Variants in PTPN12 observed in about 807,000 individuals in gnomAD.
PTPN12 encodes tyrosine-protein phosphatase non-receptor type 12.
Under a neutral mutation model 97.6 loss-of-function variants are expected in PTPN12, and 29 were observed. That is an observed-to-expected ratio of 0.30 (90% CI 0.22 to 0.41). The LOEUF is 0.41. Among genes scored for constraint, PTPN12 ranks in the 10% least tolerant of loss-of-function variants. The probability of loss-of-function intolerance (pLI) is 1.00; values close to 1 mark genes in which losing one functional copy is unlikely to be tolerated. For missense variants in PTPN12, 819 were observed against 926.0 expected (o/e 0.88, Z 1.50); for synonymous variants, 327 against 300.4 (o/e 1.09, Z -0.91).
At chr7:77,592,291 A>C (rs1787893464) in intron 6 of PTPN12, 35 bp downstream of exon 6, 1 of 1,517,380 alleles carries the variant, frequency 6.6e-7, no homozygotes, top group Non-Finnish European at 9.1e-7. Context: ...TTTTTTCAGA[A>C]AATTGGCATG....
At chr7:77,561,781 TAA>T (rs1276382686) in intron 1 of PTPN12, among the ~76,000 whole-genome samples, 205 of 151,414 alleles carry the variant, frequency 1.4e-3, no homozygotes, top group African/African-American at 4.2e-3. Flanking sequence ...ATTAATTAAT[TAA>T]TTTTATTTAT....
chr7:77,590,443 G>A (rs944511479), intron 5 of PTPN12, among the ~76,000 whole-genome samples: 5 of 152,148 alleles, frequency 3.3e-5, no homozygotes, highest in African/African-American at 1.2e-4. Context: ...AAGTATAGTG[G>A]CTCACACCTG....
In PTPN12 at chr7:77,600,812, A is replaced by G; in HGVS notation, c.695+6A>G. 1 of 1,580,124 alleles carries G rather than the reference A, an allele frequency of 6.3e-7. No individual in the cohort carries two copies. The highest frequency in any genetic ancestry group is 8.6e-7 in the Non-Finnish European group (1 of 1,166,604). The stretch of plus-strand genomic sequence containing the variant: ...CCTATTTGTATTCATTGCAGGTACA[A>G]AAGAATTTCCCAAGTTTATAAATAC... On this transcript the variant is annotated splice_donor_region_variant and intron_variant, in intron 8 of 17. Coordinates refer to ENST00000248594, the MANE Select transcript of PTPN12 (RefSeq NM_002835.4).
intron 1 of PTPN12, chr7:77,538,806 T>G (rs1423569187): frequency 1.3e-5 from 2 of 151,630 alleles, no homozygotes; most frequent in East Asian, 3.9e-4. Context: ...CGGCTGCTGC[T>G]CCTACGGATA....
Position 77,587,961 on chromosome 7 carries a change from G to T in PTPN12, c.420+2380G>T, listed in dbSNP as rs530533193. ...TCCTCACACTTTATAGAAATGAAGG[G>T]AGTTAGTGCCTTGCTCTGGATTAGG... On this transcript the variant is annotated intron_variant, in intron 5 of 17. Transcript: ENST00000248594. 2.6e-5 allele frequency among the ~76,000 whole-genome samples: 4 copies of T among 152,294 alleles called. No homozygotes were observed. The East Asian group carries it at 7.7e-4, about 29-fold the overall frequency.
chr7:77,561,161 G>A (rs1351305099), intron 1 of PTPN12, among the ~76,000 whole-genome samples: 2 of 152,112 alleles, frequency 1.3e-5, no homozygotes, highest in African/African-American at 4.8e-5. Context: ...AGTGGCACAA[G>A]CGATCCTCCT....
intron 1 of PTPN12, among the ~76,000 whole-genome samples, chr7:77,564,814 G>C (rs1391046576): frequency 7.8e-6 from 1 of 128,736 alleles, no homozygotes; most frequent in Non-Finnish European, 1.6e-5. Flanking sequence ...CTGGAGTGCA[G>C]TGGCACGATC....
rs775712037 is a variant in PTPN12, at chr7:77,625,472, GCTCTCTCTCTCTCTCTCTCTCT to G, written c.1026-1203_1026-1182del. Among the ~76,000 whole-genome samples the G allele has an allele frequency of 6.6e-4, 22 of 33,528 alleles. 2 individuals are homozygous for G. The highest frequency in any genetic ancestry group is 1.4e-3 in the South Asian group (1 of 716). The allele number at this position is 33,528 out of a possible 152,430, so 22.0% of individuals were successfully genotyped here. A position where few individuals can be genotyped will look rare whatever the true frequency, so the allele number is the denominator to read the frequency against. ...TTTTGCCATATTGCCCAGGCTGCTC[GCTCTCTCTCTCTCTCTCTCTCT>G]CTCTCTCTCTCTCTCTCTCTCTCTC... On this transcript the variant is annotated intron_variant, in intron 12 of 17. Coordinates refer to ENST00000248594, the MANE Select transcript of PTPN12 (RefSeq NM_002835.4).
rs1787897685 is a variant in PTPN12 at position 77,592,391 on chromosome 7, A to C, written c.492+135A>C. On this transcript the variant is annotated intron_variant, in intron 6 of 17. Coordinates refer to ENST00000248594, the MANE Select transcript of PTPN12 (RefSeq NM_002835.4). ...ACAAACCTATGCTTACATTTAAAAA[A>C]ATTTTGTTTATATACTGCTTTTAAA... The C allele has an allele frequency of 4.4e-6, 3 of 675,928 alleles. No individual in the cohort carries two copies. The South Asian group carries it at 7.8e-5, about 18-fold the overall frequency. The allele number at this position is 675,928 out of a possible 1,614,324, so 41.9% of individuals were successfully genotyped here.
At chr7:77,630,297 T>G (rs1254807892) in intron 13 of PTPN12, among the ~76,000 whole-genome samples, 1 of 152,002 alleles carries the variant, frequency 6.6e-6, no homozygotes, top group Non-Finnish European at 1.5e-5. Context: ...TTTTGGGGGG[T>G]TTTTTGGTCC....
chr7:77,617,876 T>C (rs935078915), intron 11 of PTPN12, among the ~76,000 whole-genome samples: 2 of 152,156 alleles, frequency 1.3e-5, no homozygotes, highest in African/African-American at 4.8e-5. Context: ...GAACCAAGGA[T>C]ATTCTGGGGA....
intron 11 of PTPN12, among the ~76,000 whole-genome samples, chr7:77,613,991 A>G (rs1788664372): frequency 6.6e-6 from 1 of 152,134 alleles, no homozygotes; most frequent in Non-Finnish European, 1.5e-5. Flanking sequence ...TCCCGGACTC[A>G]AGCTTTCCTC....
chr7:77,577,905 G>T (rs1369145041), intron 2 of PTPN12, among the ~76,000 whole-genome samples: 2 of 152,146 alleles, frequency 1.3e-5, no homozygotes, highest in Non-Finnish European at 2.9e-5. Flanking sequence ...AATGATTGGG[G>T]ATAGATGAAA....
At chr7:77,551,625 AAG>A (rs1807483844) in intron 1 of PTPN12, among the ~76,000 whole-genome samples, 1 of 152,242 alleles carries the variant, frequency 6.6e-6, no homozygotes, top group Non-Finnish European at 1.5e-5. Flanking sequence ...CTTTCTTAAA[AAG>A]AGGCATCCAT....
intron 16 of PTPN12, among the ~76,000 whole-genome samples, chr7:77,637,346 T>C (rs769490326): frequency 3.9e-5 from 6 of 152,228 alleles, no homozygotes; most frequent in Non-Finnish European, 5.9e-5. Flanking sequence ...TAAAAACACC[T>C]AGAAGTTAGA....
At chr7:77,582,525 C>T (rs1290734861) in intron 3 of PTPN12, among the ~76,000 whole-genome samples, 3 of 151,860 alleles carry the variant, frequency 2.0e-5, no homozygotes, top group African/African-American at 4.8e-5. Context: ...GGCTCATGTC[C>T]GTAATCCCAG....
In PTPN12 at chr7:77,626,864, G is replaced by A. The variant is rs1489216358; in HGVS notation, c.1185G>A (p.Met395Ile). ...ACCATCCAAAGCCAGTGTTGCATAT[G>A]GTTTCATCAGAACAACATTCAGCAG... ...DRYHPKPVLH[M>I]VSSEQHSADL... Residue 395 changes from methionine (M) to isoleucine (I), a missense_variant, in exon 13 of 18, where the codon ATG becomes ATA. This residue lies in a region of PTPN12 where 607 missense variants were observed against 577.3 expected (regional missense o/e 1.05). Transcript: ENST00000248594. 1 of 1,613,428 alleles carries A rather than the reference G, an allele frequency of 6.2e-7. No individual in the cohort carries two copies. Among genetic ancestry groups the A allele is most frequent in the African/African-American group, 1.3e-5 (1 of 74,974 alleles).
At chr7:77,570,688 C>T (rs768412532) in intron 1 of PTPN12, among the ~76,000 whole-genome samples, 2 of 152,140 alleles carry the variant, frequency 1.3e-5, no homozygotes, top group Admixed American at 6.5e-5. Context: ...ATCATGGGTG[C>T]GTGCTCATGG....
At chr7:77,618,078 TTGGTAAA>T (rs2151383677) in intron 11 of PTPN12, among the ~76,000 whole-genome samples, 1 of 152,300 alleles carries the variant, frequency 6.6e-6, no homozygotes, top group Admixed American at 6.5e-5. Flanking sequence ...ACTCCATTAC[TTGGTAAA>T]TGGTATAAGC....
Sources: gnomAD v4.1 joint callset for allele counts (sites outside exome capture counted in the v4.1 genomes callset) on GRCh38, gnomAD v4.1.1 for gene constraint, gnomAD v4.1.1 regional missense constraint, MANE v1.5 for transcripts, NCBI Gene and HGNC (gene_info 2026-07-23, HGNC 2026-07-21) for gene names.